PALM2AKAP2: variants seen among roughly 807,000 people sequenced by gnomAD.
PALM2AKAP2 encodes the protein PALM2 and AKAP2 fusion.
A neutral mutation model predicts 71.5 loss-of-function variants in PALM2AKAP2; 37 were observed. That is an observed-to-expected ratio of 0.52 (90% CI 0.40 to 0.68). The LOEUF is 0.68. PALM2AKAP2 is among the 30% of genes least tolerant of loss of function. The pLI is 0.00. For missense variants in PALM2AKAP2, 1,224 were observed against 1,191.8 expected, an observed-to-expected ratio of 1.03 and a Z score of -0.40; for synonymous variants, 468 against 478.8, an observed-to-expected ratio of 0.98 and a Z score of 0.29.
At chr9:110,038,374 A>G (rs1833451123) in intron 7 of PALM2AKAP2, among the ~76,000 whole-genome samples, 1 of 152,138 alleles carries the variant, frequency 6.6e-6, no homozygotes, top group South Asian at 2.1e-4. Flanking sequence ...CAAAAAGGTC[A>G]GAGAGCACTG....
intron 6 of PALM2AKAP2, among the ~76,000 whole-genome samples, chr9:109,953,559 C>T (rs911641195): frequency 1.3e-5 from 2 of 151,966 alleles, no homozygotes; most frequent in East Asian, 3.9e-4. Context: ...CGCTGGAGGC[C>T]AGGTGCGGTG....
At chr9:110,026,616 C>T (rs1833186085) in intron 7 of PALM2AKAP2, among the ~76,000 whole-genome samples, 1 of 152,164 alleles carries the variant, frequency 6.6e-6, no homozygotes, top group African/African-American at 2.4e-5. Context: ...AACTCTCTAC[C>T]CATTAAATAC....
chr9:109,794,277 C>G (rs1043369021), intron 1 of PALM2AKAP2, among the ~76,000 whole-genome samples: 1 of 152,022 alleles, frequency 6.6e-6, no homozygotes, highest in Non-Finnish European at 1.5e-5. Context: ...TTTTTGAAAA[C>G]CAGAAAATCT....
upstream of PALM2AKAP2, among the ~76,000 whole-genome samples, chr9:109,777,170 C>T (rs1427007010): frequency 6.6e-6 from 1 of 152,326 alleles, no homozygotes; most frequent in Middle Eastern, 3.4e-3. Context: ...TTGGGAAAAC[C>T]AGTCCATCTG....
At chr9:110,164,778 G>A (rs1362100088) in intron 3 of PALM2AKAP2, among the ~76,000 whole-genome samples, 2 of 152,142 alleles carry the variant, frequency 1.3e-5, no homozygotes, top group African/African-American at 4.8e-5. Flanking sequence ...CAATCTGCCT[G>A]CCTTGGCCTC....
exon 2 of PALM2AKAP2, chr9:110,137,694 C>T (rs780047803): frequency 1.2e-6 from 2 of 1,614,146 alleles, no homozygotes; most frequent in South Asian, 1.1e-5. Context: ...CAGGATACCA[C>T]AGTCCTGGAG....
intron 1 of PALM2AKAP2, among the ~76,000 whole-genome samples, chr9:109,824,229 G>A (rs145345843): frequency 3.5e-4 from 53 of 152,266 alleles, no homozygotes; most frequent in African/African-American, 1.2e-3. Context: ...GGGTTTCCAA[G>A]GCCACTAGCT....
chr9:109,702,552 T>G (rs1448026707), intron 1 of PALM2AKAP2, among the ~76,000 whole-genome samples: 6 of 119,408 alleles, frequency 5.0e-5, no homozygotes, highest in Admixed American at 1.0e-4. Flanking sequence ...TGAGAACACA[T>G]GGACACAGGA....
At chr9:109,883,792 T>C (rs1829907167) in intron 3 of PALM2AKAP2, among the ~76,000 whole-genome samples, 1 of 152,242 alleles carries the variant, frequency 6.6e-6, no homozygotes, top group Non-Finnish European at 1.5e-5. Flanking sequence ...GGCATGGCTC[T>C]GCTGATAGGG....
intron 1 of PALM2AKAP2, among the ~76,000 whole-genome samples, chr9:109,719,204 G>C (rs1185544182): frequency 6.6e-6 from 1 of 152,188 alleles, no homozygotes; most frequent in East Asian, 1.9e-4. Context: ...AGCATGTTTA[G>C]TCTAAGTGTT....
intron 1 of PALM2AKAP2, among the ~76,000 whole-genome samples, chr9:109,828,038 T>A (rs1828201886): frequency 6.6e-6 from 1 of 152,012 alleles, no homozygotes; most frequent in Non-Finnish European, 1.5e-5. Flanking sequence ...GCTGGGTGAG[T>A]ACTTTATATA....
intron 6 of PALM2AKAP2, among the ~76,000 whole-genome samples, chr9:109,997,058 A>G (rs529416584): frequency 6.6e-6 from 1 of 152,204 alleles, no homozygotes; most frequent in Non-Finnish European, 1.5e-5. Context: ...GCGTGGTGGC[A>G]TGTACTTATA....
chr9:110,091,835 AATGCTT>A (rs1834723169), intron 1 of PALM2AKAP2, among the ~76,000 whole-genome samples: 3 of 152,166 alleles, frequency 2.0e-5, no homozygotes, highest in African/African-American at 7.2e-5. Flanking sequence ...AGTTTAGATA[AATGCTT>A]ACAGTTGAGG....
At chr9:109,800,299 A>G (rs1334402806) in intron 1 of PALM2AKAP2, among the ~76,000 whole-genome samples, 3 of 152,232 alleles carry the variant, frequency 2.0e-5, no homozygotes, top group Non-Finnish European at 4.4e-5. Flanking sequence ...AATATATACT[A>G]CTGTTATGGT....
At chr9:109,869,513 T>C (rs987289844) in intron 2 of PALM2AKAP2, among the ~76,000 whole-genome samples, 2 of 145,576 alleles carry the variant, frequency 1.4e-5, no homozygotes, top group African/African-American at 5.1e-5. Flanking sequence ...TTTTTTTTGG[T>C]ATTTTTAGTA....
At chr9:110,026,629 G>GC (rs1248801314) in intron 7 of PALM2AKAP2, among the ~76,000 whole-genome samples, 2 of 151,948 alleles carry the variant, frequency 1.3e-5, no homozygotes, top group Admixed American at 6.6e-5. Flanking sequence ...TTAAATACCA[G>GC]CCCCCCATTC....
chr9:109,982,089 C>T (rs551880750), intron 6 of PALM2AKAP2, among the ~76,000 whole-genome samples: 6 of 152,170 alleles, frequency 3.9e-5, no homozygotes, highest in East Asian at 3.9e-4. Context: ...AAATGTGGTA[C>T]GTGTACACAA....
chr9:110,032,818 G>A lies in PALM2AKAP2; in HGVS notation c.582+16779G>A, dbSNP rs138014129. Reference sequence around the variant, plus strand: ...TAGCCAGGTGTGGTGTGCGCATGTCGTCTCAGCTACTCAGGAGACAGGTGG... The same window carrying A: ...TAGCCAGGTGTGGTGTGCGCATGTCATCTCAGCTACTCAGGAGACAGGTGG... On this transcript the variant is annotated intron_variant, in intron 7 of 9. Coordinates refer to the PALM2AKAP2 transcript ENST00000302798. Among the ~76,000 whole-genome samples the A allele has an allele frequency of 2.7e-3, 404 of 151,680 alleles. 6 individuals carry two copies. Among genetic ancestry groups the A allele is most frequent in the East Asian group, 3.7e-3 (19 of 5,176 alleles).
chr9:110,164,150 G>A (rs955872679), intron 3 of PALM2AKAP2, among the ~76,000 whole-genome samples: 1 of 152,274 alleles, frequency 6.6e-6, no homozygotes. Context: ...TCTGGAGGAT[G>A]GCAGTTTGAG....
Sources: gnomAD v4.1 joint callset for allele counts (sites outside exome capture counted in the v4.1 genomes callset) on GRCh38, gnomAD v4.1.1 for gene constraint, MANE v1.5 for transcripts, NCBI Gene and HGNC (gene_info 2026-07-23, HGNC 2026-07-21) for gene names.